The following ATP9A variants were observed in gnomAD, a reference collection of about 807,000 sequenced individuals.
The protein encoded by ATP9A is ATPase phospholipid transporting 9A, also known as probable phospholipid-transporting ATPase IIA.
Under a neutral mutation model 144.1 loss-of-function variants are expected in ATP9A, and 52 were observed. The observed-to-expected ratio is 0.36, with a 90% confidence interval of 0.29 to 0.45. The LOEUF (loss-of-function observed/expected upper bound fraction) is 0.45. ATP9A is among the 20% of genes least tolerant of loss of function. The pLI is 1.00. For missense variants in ATP9A, 947 were observed against 1,392.7 expected (o/e 0.68, Z 5.09); for synonymous variants, 582 against 557.4 (o/e 1.04, Z -0.62).
intron 19 of ATP9A, among the ~76,000 whole-genome samples, chr20:51,620,672 A>G (rs1176267729): frequency 6.6e-6 from 1 of 152,080 alleles, no homozygotes; most frequent in African/African-American, 2.4e-5. Context: ...CCAGCAAAGA[A>G]GCGCTGTGTG....
intron 13 of ATP9A, among the ~76,000 whole-genome samples, chr20:51,663,082 A>G (rs530974050): frequency 1.1e-4 from 16 of 152,092 alleles, no homozygotes; most frequent in African/African-American, 3.1e-4. Flanking sequence ...AAAAAAAAAC[A>G]TTTTTAAAAT....
intron 8 of ATP9A, among the ~76,000 whole-genome samples, chr20:51,690,485 G>A (rs2077543612): frequency 6.6e-6 from 1 of 152,166 alleles, no homozygotes; most frequent in Non-Finnish European, 1.5e-5. Context: ...TCAGACGCCA[G>A]CGTTCACATG....
At chr20:51,635,800 A>AGGAGGGAG (rs141656779) in intron 15 of ATP9A, among the ~76,000 whole-genome samples, 2 of 76,898 alleles carry the variant, frequency 2.6e-5, no homozygotes, top group African/African-American at 1.3e-4. Flanking sequence ...AGAGGAGGGG[A>AGGAGGGAG]GGAGGAAGGA....
intron 12 of ATP9A, among the ~76,000 whole-genome samples, chr20:51,670,459 G>C (rs746336492): frequency 8.5e-5 from 13 of 152,168 alleles, no homozygotes; most frequent in Non-Finnish European, 1.5e-4. Flanking sequence ...TGACCCTTGA[G>C]TAGAAAGATA....
In ATP9A at chr20:51,741,137, G is replaced by A. The variant is rs114209126; in HGVS notation, c.69-11159C>T. Among the ~76,000 whole-genome samples, 901 of 151,622 alleles carry A rather than the reference G, an allele frequency of 5.9e-3. 10 individuals carry two copies. The highest frequency in any genetic ancestry group is 0.02 in the African/African-American group (849 of 41,416). On this transcript the variant is annotated intron_variant, in intron 1 of 27. Transcript: ENST00000338821. Reference sequence around the variant, plus strand: ...ATAGCTACATGTGACCACTAACTACGGACTAGACTGTGCAGACACAGAACA... The same window carrying A: ...ATAGCTACATGTGACCACTAACTACAGACTAGACTGTGCAGACACAGAACA...
intron 4 of ATP9A, among the ~76,000 whole-genome samples, chr20:51,710,010 CCTCA>C (rs2077630924): frequency 1.3e-5 from 2 of 152,146 alleles, no homozygotes; most frequent in East Asian, 3.9e-4. Context: ...CATTTTAAGA[CCTCA>C]TGTGAGGCCG....
At chr20:51,713,292 TAC>T (rs1404907536) in intron 3 of ATP9A, among the ~76,000 whole-genome samples, 1 of 152,052 alleles carries the variant, frequency 6.6e-6, no homozygotes, top group Non-Finnish European at 1.5e-5. Context: ...GTAGAAACAC[TAC>T]CCTAGAGAAA....
In ATP9A at chr20:51,641,434, T is replaced by G. The variant is rs1054160557; in HGVS notation, c.1507-1930A>C. Among the ~76,000 whole-genome samples the G allele has an allele frequency of 5.3e-5, 8 of 151,896 alleles. No individual in the cohort carries two copies. The East Asian group carries it at 1.2e-3, about 22-fold the overall frequency. On this transcript the variant is annotated intron_variant, in intron 14 of 27. Transcript: ENST00000338821. ...TACTCAAGAGGTTGAGGTGGGAGGA[T>G]CACGATCTGGGAGGTGGAGGCTACA...
intron 18 of ATP9A, among the ~76,000 whole-genome samples, chr20:51,623,848 G>A (rs1309269567): frequency 6.6e-6 from 1 of 151,190 alleles, no homozygotes; most frequent in Admixed American, 6.6e-5. Flanking sequence ...GTGCAAGATC[G>A]TATCTTAGAC....
chr20:51,603,746 T>G (rs2077152203), intron 27 of ATP9A, among the ~76,000 whole-genome samples: 1 of 150,890 alleles, frequency 6.6e-6, no homozygotes, highest in Non-Finnish European at 1.5e-5. Context: ...CACTCCCCCA[T>G]CTCTACATTC....
At chr20:51,604,075 G>A (rs957441381) in intron 27 of ATP9A, among the ~76,000 whole-genome samples, 5 of 152,124 alleles carry the variant, frequency 3.3e-5, no homozygotes, top group African/African-American at 7.2e-5. Context: ...CATTGTGCCC[G>A]GCCTCCATAA....
At chr20:51,654,800 C>T (rs2077380605) in intron 14 of ATP9A, among the ~76,000 whole-genome samples, 2 of 150,938 alleles carry the variant, frequency 1.3e-5, no homozygotes, top group Admixed American at 1.3e-4. Context: ...CTTGGGGCTT[C>T]ACAACAGCCC....
chr20:51,663,663 A>G (rs1042959411), intron 13 of ATP9A, among the ~76,000 whole-genome samples: 3 of 151,928 alleles, frequency 2.0e-5, no homozygotes, highest in Non-Finnish European at 4.4e-5. Context: ...GCATGGTGGT[A>G]GGCGCCTGTA....
chr20:51,744,251 C>T (rs1028371322), intron 1 of ATP9A, among the ~76,000 whole-genome samples: 1 of 151,964 alleles, frequency 6.6e-6, no homozygotes, highest in Non-Finnish European at 1.5e-5. Context: ...CTGTAACCTC[C>T]GCCTCCCAGG....
chr20:51,761,021 G>A lies in ATP9A; in HGVS notation c.68+7281C>T, dbSNP rs542083202. On this transcript the variant is annotated intron_variant, in intron 1 of 27. Coordinates refer to ENST00000338821, the MANE Select transcript of ATP9A (RefSeq NM_006045.3). ...CCAGCCTGAGTGAGAGTGAGACTCCGTCTCAAAATAAAAAACAAGAATGTA... is the reference window on the plus strand; with the variant it reads ...CCAGCCTGAGTGAGAGTGAGACTCCATCTCAAAATAAAAAACAAGAATGTA... Among the ~76,000 whole-genome samples, 23 of 152,234 alleles carry A rather than the reference G, an allele frequency of 1.5e-4. 1 individual carries two copies. The highest frequency in any genetic ancestry group is 5.3e-4 in the African/African-American group (22 of 41,546).
chr20:51,646,292 G>A (rs114617543), intron 14 of ATP9A, among the ~76,000 whole-genome samples: 143 of 152,222 alleles, frequency 9.4e-4, no homozygotes, highest in African/African-American at 3.3e-3. Context: ...GCCAGATCAC[G>A]CTCAGTAGCC....
intron 14 of ATP9A, among the ~76,000 whole-genome samples, chr20:51,653,059 G>T (rs1313055414): frequency 6.7e-6 from 1 of 149,482 alleles, no homozygotes; most frequent in Non-Finnish European, 1.5e-5. Context: ...GCAGTGAGCC[G>T]AGATCACGCC....
intron 1 of ATP9A, among the ~76,000 whole-genome samples, chr20:51,744,899 G>T (rs1343932939): frequency 6.6e-6 from 1 of 152,232 alleles, no homozygotes; most frequent in Non-Finnish European, 1.5e-5. Context: ...GGAGGCCGAG[G>T]CGGGAGAATC....
At position 51,606,689 on chromosome 20, in the gene ATP9A, C is replaced by G. The variant is rs180909117; in HGVS notation, c.2803+838G>C. ...TCATCTTGCTGGACCTGCAGGGACT[C>G]GTGGCTCACAGTCCATTGGGAAGAA... On this transcript the variant is annotated intron_variant, in intron 26 of 27. Transcript: ENST00000338821. Among the ~76,000 whole-genome samples, 6 of 152,260 alleles carry G rather than the reference C, an allele frequency of 3.9e-5. No homozygotes were observed. The East Asian group carries it at 1.2e-3, about 29-fold the overall frequency.
Sources: gnomAD v4.1 joint callset for allele counts (sites outside exome capture counted in the v4.1 genomes callset) on GRCh38, gnomAD v4.1.1 for gene constraint, MANE v1.5 for transcripts, NCBI Gene and HGNC (gene_info 2026-07-23, HGNC 2026-07-21) for gene names.